SPON1: variants seen among roughly 807,000 people sequenced by gnomAD.
The protein encoded by SPON1 is spondin-1.
In SPON1, 52 loss-of-function variants were observed where a neutral mutation model predicts 111.7. That is an observed-to-expected ratio of 0.47 (90% CI 0.37 to 0.59). SPON1 has a LOEUF of 0.59. SPON1 is among the 20% of genes least tolerant of loss of function. The pLI is 0.00. For missense variants in SPON1, 957 were observed against 1,068.5 expected (o/e 0.90, Z 1.46); for synonymous variants, 410 against 395.8 (o/e 1.04, Z -0.43).
intron 3 of SPON1, among the ~76,000 whole-genome samples, chr11:14,048,313 C>G (rs77278274): frequency 1.3e-5 from 2 of 152,194 alleles, no homozygotes; most frequent in East Asian, 3.9e-4. Flanking sequence ...AGGGGGATAC[C>G]AACTGTGCTG....
chr11:14,254,102 G>C (rs1348285341), intron 7 of SPON1, among the ~76,000 whole-genome samples: 1 of 152,212 alleles, frequency 6.6e-6, no homozygotes, highest in East Asian at 1.9e-4. Context: ...GTCTGGCGCT[G>C]GACAGTGCCT....
At position 14,161,039 on chromosome 11, in the gene SPON1, CTATATATTTA is replaced by C. The variant is rs1204387782; in HGVS notation, c.825+25489_825+25498del. Among the ~76,000 whole-genome samples the C allele has an allele frequency of 7.8e-5, 4 of 51,268 alleles. 1 individual carries two copies. The highest frequency in any genetic ancestry group is 1.7e-4 in the African/African-American group (2 of 11,768). The allele number at this position is 51,268 out of a possible 152,430, so 33.6% of individuals were successfully genotyped here. On this transcript the variant is annotated intron_variant, in intron 6 of 15. Transcript: ENST00000576479. ...TATATCTATATATATTTATATATAT[CTATATATTTA>C]TATATATTTATATATATCTATAATT...
chr11:14,144,070 A>G (rs1384817769), intron 6 of SPON1, among the ~76,000 whole-genome samples: 2 of 152,182 alleles, frequency 1.3e-5, no homozygotes, highest in African/African-American at 4.8e-5. Flanking sequence ...TACATTTGAA[A>G]AACAATAACA....
At chr11:14,206,320 A>G (rs902574428) in intron 6 of SPON1, among the ~76,000 whole-genome samples, 1 of 152,064 alleles carries the variant, frequency 6.6e-6, no homozygotes, top group Non-Finnish European at 1.5e-5. Context: ...CAGCCTCCCA[A>G]GAAGCTGGGA....
intron 2 of SPON1, among the ~76,000 whole-genome samples, chr11:14,002,290 C>A (rs1301866436): frequency 6.6e-6 from 1 of 152,076 alleles, no homozygotes; most frequent in East Asian, 1.9e-4. Context: ...TCTCTCTGGG[C>A]CCCAAGTCAG....
intron 1 of SPON1, among the ~76,000 whole-genome samples, chr11:13,967,461 C>T (rs529173410): frequency 6.6e-6 from 1 of 151,168 alleles, no homozygotes; most frequent in Non-Finnish European, 1.5e-5. Context: ...ACATGAAGAA[C>T]CTTGTCAGCC....
intron 6 of SPON1, among the ~76,000 whole-genome samples, chr11:14,234,361 T>C (rs1198521037): frequency 6.6e-6 from 1 of 151,824 alleles, no homozygotes; most frequent in Non-Finnish European, 1.5e-5. Context: ...AGGTAGAAGA[T>C]GGGGAGGCGG....
intron 6 of SPON1, among the ~76,000 whole-genome samples, chr11:14,220,027 C>T (rs902320090): frequency 1.4e-5 from 2 of 145,346 alleles, no homozygotes; most frequent in East Asian, 2.1e-4. Context: ...GTGGAGGTTG[C>T]GGTGAGCCGA....
chr11:14,032,922 C>T (rs1400617965), intron 2 of SPON1, among the ~76,000 whole-genome samples: 1 of 152,148 alleles, frequency 6.6e-6, no homozygotes, highest in Non-Finnish European at 1.5e-5. Flanking sequence ...CCAGTACCCA[C>T]ATACCCAGAC....
At chr11:14,091,775 C>G (rs1554923422) in intron 5 of SPON1, among the ~76,000 whole-genome samples, 1 of 152,234 alleles carries the variant, frequency 6.6e-6, no homozygotes, top group African/African-American at 2.4e-5. Context: ...AAGGGGCTCC[C>G]ACAGTGCAGT....
chr11:14,243,475 A>G (rs1312912767), intron 7 of SPON1, 79 bp downstream of exon 7: 1 of 1,177,226 alleles, frequency 8.5e-7, no homozygotes, highest in Non-Finnish European at 1.2e-6. Flanking sequence ...GCCACCACAT[A>G]CCAGTTATGC....
chr11:13,970,037 T>C (rs1370191693), intron 1 of SPON1, among the ~76,000 whole-genome samples: 1 of 152,200 alleles, frequency 6.6e-6, no homozygotes, highest in Non-Finnish European at 1.5e-5. Flanking sequence ...AGCATTACAT[T>C]CTCTGTTTTT....
At chr11:14,180,990 C>A (rs532881426) in intron 6 of SPON1, among the ~76,000 whole-genome samples, 1 of 152,296 alleles carries the variant, frequency 6.6e-6, no homozygotes, top group Non-Finnish European at 1.5e-5. Flanking sequence ...TACCCCCTGC[C>A]CCAGCTGGCT....
chr11:14,010,791 T>C (rs1220997896), intron 2 of SPON1, among the ~76,000 whole-genome samples: 1 of 152,232 alleles, frequency 6.6e-6, no homozygotes, highest in Non-Finnish European at 1.5e-5. Flanking sequence ...AGGCCAATGC[T>C]CTTTCCACCA....
At chr11:14,141,769 T>G (rs1331410890) in intron 6 of SPON1, among the ~76,000 whole-genome samples, 6 of 152,236 alleles carry the variant, frequency 3.9e-5, no homozygotes, top group Admixed American at 3.9e-4. Flanking sequence ...TGTTTTTTTC[T>G]GATTTTTGAT....
intron 2 of SPON1, among the ~76,000 whole-genome samples, chr11:14,033,230 T>C (rs1397280155): frequency 2.0e-5 from 3 of 152,240 alleles, no homozygotes; most frequent in Admixed American, 1.3e-4. Flanking sequence ...ACTGGAGCCC[T>C]GACCTGGCCA....
chr11:14,047,714 A>C (rs1848678690), intron 3 of SPON1, among the ~76,000 whole-genome samples: 1 of 152,174 alleles, frequency 6.6e-6, no homozygotes, highest in Non-Finnish European at 1.5e-5. Context: ...ATTCCAGGTA[A>C]AAGGGGTGGA....
intron 6 of SPON1, among the ~76,000 whole-genome samples, chr11:14,155,364 C>G (rs78955995): frequency 2.0e-5 from 3 of 152,224 alleles, no homozygotes; most frequent in African/African-American, 7.2e-5. Flanking sequence ...ACAGGCTATA[C>G]AGGAAGCATG....
intron 6 of SPON1, among the ~76,000 whole-genome samples, chr11:14,199,359 A>G (rs1013454079): frequency 6.6e-6 from 1 of 152,026 alleles, no homozygotes; most frequent in Non-Finnish European, 1.5e-5. Flanking sequence ...TCCAGACACC[A>G]TGAGTCACCC....
Sources: gnomAD v4.1 joint callset for allele counts (sites outside exome capture counted in the v4.1 genomes callset) on GRCh38, gnomAD v4.1.1 for gene constraint, MANE v1.5 for transcripts, NCBI Gene and HGNC (gene_info 2026-07-23, HGNC 2026-07-21) for gene names.